Variants in P2RX7 observed in about 807,000 individuals in gnomAD.
P2RX7 encodes the protein purinergic receptor P2X 7, also known as P2X purinoceptor 7.
Under a neutral mutation model 71.6 loss-of-function variants are expected in P2RX7, and 62 were observed. The ratio of observed to expected loss-of-function variants is 0.87; its 90% CI spans 0.71 to 1.07. The LOEUF (loss-of-function observed/expected upper bound fraction) is 1.07, where lower values mean the gene tolerates loss of function less well. Among genes scored for constraint, P2RX7 ranks in the 50% least tolerant of loss-of-function variants. The pLI is 0.00. For missense variants in P2RX7, 686 were observed against 748.5 expected (o/e 0.92, Z 0.97); for synonymous variants, 299 against 283.3 (o/e 1.06, Z -0.56).
intron 1 of P2RX7, among the ~76,000 whole-genome samples, chr12:121,147,473 G>T (rs1876442546): frequency 1.3e-5 from 2 of 152,132 alleles, no homozygotes; most frequent in East Asian, 1.9e-4. Context: ...TTGAACAAAG[G>T]TTCCAGTAAA....
intron 2 of P2RX7, chr12:121,155,483 G>T: frequency 9.8e-7 from 1 of 1,016,318 alleles, no homozygotes; most frequent in South Asian, 1.4e-5. Flanking sequence ...AATGAAAGCA[G>T]AATTGCCAAA....
chr12:121,141,911 A>G (rs1016936473), intron 1 of P2RX7, among the ~76,000 whole-genome samples: 7 of 152,162 alleles, frequency 4.6e-5, no homozygotes, highest in Non-Finnish European at 8.8e-5. Flanking sequence ...TGCAGCTAGG[A>G]CACAACAGGA....
Position 121,177,120 on chromosome 12 carries a change from G to A in P2RX7, c.973-27G>A, listed in dbSNP as rs73220273. The A allele has an allele frequency of 4.7e-3, 7,628 of 1,606,558 alleles. 25 individuals are homozygous for A. Among genetic ancestry groups the A allele is most frequent in the Non-Finnish European group, 5.8e-3 (6,755 of 1,173,276 alleles). ...AAGAGCGTTGCTCTGAATTTCACCT[G>A]AGTAAACTCTCCCACTCTGTTTTTA... is the stretch of plus-strand genomic sequence containing the variant. On this transcript the variant is annotated intron_variant, in intron 9 of 12. Coordinates refer to ENST00000328963, the MANE Select transcript of P2RX7 (RefSeq NM_002562.6).
intron 12 of P2RX7, among the ~76,000 whole-genome samples, chr12:121,181,306 G>A (rs1024908143): frequency 6.6e-6 from 1 of 152,164 alleles, no homozygotes; most frequent in Non-Finnish European, 1.5e-5. Flanking sequence ...CCATCCTACT[G>A]TTGATGGACA....
At chr12:121,156,237 T>A in intron 3 of P2RX7, 90 bp downstream of exon 3, 1 of 1,053,436 alleles carries the variant, frequency 9.5e-7, no homozygotes, top group Non-Finnish European at 1.5e-6. Context: ...GACCCTGGGG[T>A]GTATTTGAGC....
At chr12:121,167,721 GA>G in intron 8 of P2RX7, 97 bp downstream of exon 8, 1 of 1,092,650 alleles carries the variant, frequency 9.2e-7, no homozygotes, top group Non-Finnish European at 1.3e-6. Context: ...CAAGATGAAT[GA>G]AAAAAGACTT....
intron 1 of P2RX7, among the ~76,000 whole-genome samples, chr12:121,133,520 T>G (rs1342871229): frequency 6.6e-6 from 1 of 152,212 alleles, no homozygotes; most frequent in Non-Finnish European, 1.5e-5. Flanking sequence ...CTCACCAACG[T>G]CAGGAAGGCC....
At chr12:121,171,359 CTTTT>C (rs34595094) in intron 8 of P2RX7, among the ~76,000 whole-genome samples, 4 of 105,016 alleles carry the variant, frequency 3.8e-5, no homozygotes, top group Non-Finnish European at 5.4e-5. Context: ...TCTTCAATCT[CTTTT>C]TTTTTTTTTT....
intron 11 of P2RX7, among the ~76,000 whole-genome samples, chr12:121,178,391 T>G (rs986223397): frequency 1.3e-5 from 2 of 152,228 alleles, no homozygotes; most frequent in Non-Finnish European, 2.9e-5. Flanking sequence ...ACACAGCACT[T>G]CTAAATGCTT....
At chr12:121,165,478 C>A in intron 6 of P2RX7, 41 bp downstream of exon 6, 2 of 1,460,202 alleles carry the variant, frequency 1.4e-6, no homozygotes, top group Non-Finnish European at 9.6e-7. Flanking sequence ...TTATCTACTG[C>A]TGAGTAATAA....
At chr12:121,164,238 A>G (rs1312672062) in intron 5 of P2RX7, among the ~76,000 whole-genome samples, 1 of 152,182 alleles carries the variant, frequency 6.6e-6, no homozygotes, top group East Asian at 1.9e-4. Context: ...AGTTTCTCAT[A>G]TATTATATGA....
intron 5 of P2RX7, among the ~76,000 whole-genome samples, chr12:121,162,961 G>T (rs901010653): frequency 1.3e-5 from 2 of 150,932 alleles, no homozygotes; most frequent in Non-Finnish European, 2.9e-5. Context: ...AAAGCAAAAG[G>T]GGTGAGGGTA....
intron 7 of P2RX7, among the ~76,000 whole-genome samples, chr12:121,167,097 G>A (rs927984919): frequency 6.6e-6 from 1 of 151,634 alleles, no homozygotes; most frequent in Non-Finnish European, 1.5e-5. Flanking sequence ...TCTGCAAAGA[G>A]CTTTCCCTAG....
At chr12:121,176,612 C>T (rs778288985) in intron 9 of P2RX7, among the ~76,000 whole-genome samples, 1 of 151,890 alleles carries the variant, frequency 6.6e-6, no homozygotes. Flanking sequence ...ATTAGCTGGG[C>T]GTGGCGGTGG....
At chr12:121,165,470 A>T in intron 6 of P2RX7, 33 bp downstream of exon 6, 1 of 1,506,172 alleles carries the variant, frequency 6.6e-7, no homozygotes, top group Non-Finnish European at 9.2e-7. Flanking sequence ...TGTCTTAGTT[A>T]TCTACTGCTG....
At chr12:121,183,118 A>G (rs1488685913) in intron 12 of P2RX7, among the ~76,000 whole-genome samples, 1 of 151,770 alleles carries the variant, frequency 6.6e-6, no homozygotes, top group Non-Finnish European at 1.5e-5. Context: ...CAGAGCTTGC[A>G]GTGAGCCAAG....
In P2RX7 at chr12:121,162,435, G is replaced by T. The variant is rs28360447; in HGVS notation, c.448G>T (p.Gly150Ter). 6 of 1,613,748 alleles carry T rather than the reference G, an allele frequency of 3.7e-6. No homozygotes were observed. The African/African-American group carries it at 8.0e-5, about 22-fold the overall frequency. The change falls in exon 5 of 13, where the codon GGA (glycine) becomes TGA (stop). Residue 150 changes from glycine to a stop codon, truncating the protein, a stop_gained. Coordinates refer to ENST00000328963, the MANE Select transcript of P2RX7 (RefSeq NM_002562.6). LOFTEE classifies it high-confidence loss of function. ...TTTGACCCCTATAGGAATTCAGACC[G>T]GAAGGTGTGTAGTGTATGAAGGGAA... ...MDPQSKGIQT[G>*]RCVVYEGNQK...
intron 1 of P2RX7, among the ~76,000 whole-genome samples, chr12:121,142,170 G>A (rs950230306): frequency 6.6e-5 from 10 of 152,206 alleles, no homozygotes; most frequent in Non-Finnish European, 1.3e-4. Flanking sequence ...TTGTTACACA[G>A]CAGTGGAAAC....
chr12:121,169,363 T>C (rs1343195724), intron 8 of P2RX7, among the ~76,000 whole-genome samples: 1 of 152,216 alleles, frequency 6.6e-6, no homozygotes, highest in Non-Finnish European at 1.5e-5. Flanking sequence ...ATCCTACTCC[T>C]TCTGTCCATT....
Sources: gnomAD v4.1 joint callset for allele counts (sites outside exome capture counted in the v4.1 genomes callset) on GRCh38, gnomAD v4.1.1 for gene constraint, MANE v1.5 for transcripts, NCBI Gene and HGNC (gene_info 2026-07-23, HGNC 2026-07-21) for gene names.